Variants in SCHIP1 observed in about 807,000 individuals in gnomAD.
SCHIP1 encodes schwannomin-interacting protein 1.
Under a neutral mutation model 29.7 loss-of-function variants are expected in SCHIP1, and 8 were observed. The ratio of observed to expected loss-of-function variants is 0.27; its 90% CI spans 0.16 to 0.49. The LOEUF is 0.49. SCHIP1 is among the 20% of genes least tolerant of loss of function. The probability of loss-of-function intolerance (pLI) is 0.99; values close to 1 mark genes in which losing one functional copy is unlikely to be tolerated. For missense variants in SCHIP1, 193 were observed against 294.6 expected (o/e 0.66, Z 2.52); for synonymous variants, 76 against 94.9 (o/e 0.80, Z 1.16).
Position 159,888,944 on chromosome 3 carries a change from G to A in SCHIP1, c.589+1G>A. ...AATGATCTCCATTCCCAGATAGAAA[G>A]TAAGTGTAAGATATGCTTGAAAATA... On this transcript the variant is annotated splice_donor_variant, in intron 5 of 6. Transcript: ENST00000445224. LOFTEE classifies it high-confidence loss of function. 6.2e-7 allele frequency: 1 copy of A among 1,613,702 alleles called. No individual in the cohort carries two copies. The highest frequency in any genetic ancestry group is 8.5e-7 in the Non-Finnish European group (1 of 1,179,868).
At chr3:159,522,530 T>A in the SCHIP1 span, among the ~76,000 whole-genome samples, 1 of 152,144 alleles carries the variant, frequency 6.6e-6, no homozygotes, top group African/African-American at 2.4e-5. Context: ...TAGCAATAGA[T>A]TAGATGAATA....
At chr3:159,894,308 C>G (rs1171958867) in intron 6 of SCHIP1, 2 of 152,186 alleles carry the variant, frequency 1.3e-5, no homozygotes, top group Admixed American at 1.3e-4. Context: ...CATTCATTCT[C>G]CCCTTATATG....
At chr3:159,798,918 G>A in the SCHIP1 span, among the ~76,000 whole-genome samples, 1 of 152,180 alleles carries the variant, frequency 6.6e-6, no homozygotes, top group Non-Finnish European at 1.5e-5. Flanking sequence ...AAAACAAAGT[G>A]AATTTAAAAT....
the SCHIP1 span, among the ~76,000 whole-genome samples, chr3:159,307,753 G>A: frequency 6.6e-6 from 1 of 152,130 alleles, no homozygotes; most frequent in Non-Finnish European, 1.5e-5. Context: ...TTTTGTATAT[G>A]GTGGAAGGTA....
chr3:159,886,534 T>A, intron 3 of SCHIP1: 1 of 461,490 alleles, frequency 2.2e-6, no homozygotes, highest in Non-Finnish European at 3.9e-6. Context: ...AGTTAATAAC[T>A]ATTTTCATAT....
At chr3:159,426,738 A>C in the SCHIP1 span, among the ~76,000 whole-genome samples, 3 of 152,124 alleles carry the variant, frequency 2.0e-5, no homozygotes, top group Non-Finnish European at 4.4e-5. Flanking sequence ...CCAAAAAAGA[A>C]AATTTTAGAC....
chr3:159,629,826 C>A, the SCHIP1 span, among the ~76,000 whole-genome samples: 1 of 152,206 alleles, frequency 6.6e-6, no homozygotes, highest in African/African-American at 2.4e-5. Context: ...GAATCCTTGA[C>A]AGGCACTGAG....
the SCHIP1 span, among the ~76,000 whole-genome samples, chr3:159,394,526 G>T: frequency 1.3e-5 from 2 of 152,094 alleles, no homozygotes; most frequent in African/African-American, 4.8e-5. Flanking sequence ...TAGCATGAAG[G>T]GTTGTTGAAT....
the SCHIP1 span, among the ~76,000 whole-genome samples, chr3:159,535,226 T>A: frequency 6.6e-6 from 1 of 152,210 alleles, no homozygotes; most frequent in African/African-American, 2.4e-5. Context: ...GCATACATTA[T>A]GATATCCAAT....
At chr3:159,786,666 CGTGTGTGT>C in the SCHIP1 span, among the ~76,000 whole-genome samples, 41 of 124,892 alleles carry the variant, frequency 3.3e-4, no homozygotes, top group South Asian at 8.6e-3. Context: ...TGAGTCAAAG[CGTGTGTGT>C]GTGTGTGTGT....
At chr3:159,274,384 A>T in the SCHIP1 span, 5 of 972,698 alleles carry the variant, frequency 5.1e-6, no homozygotes, top group Admixed American at 3.1e-4. Flanking sequence ...ATATTTGATG[A>T]CTTAAAAAAT....
At chr3:159,890,997 AG>A (rs776340231) in intron 5 of SCHIP1, among the ~76,000 whole-genome samples, 2 of 152,152 alleles carry the variant, frequency 1.3e-5, no homozygotes, top group Non-Finnish European at 2.9e-5. Context: ...TGAGGGAAAA[AG>A]CAAGAGAGAG....
chr3:159,803,643 G>T, the SCHIP1 span, among the ~76,000 whole-genome samples: 1 of 152,162 alleles, frequency 6.6e-6, no homozygotes, highest in Non-Finnish European at 1.5e-5. Flanking sequence ...CTCTAACGTA[G>T]ATACAGACCC....
At position 159,841,881 on chromosome 3, in the gene SCHIP1, T is replaced by C. The variant is rs543197500; in HGVS notation, c.30+1667T>C. Reference sequence around the variant, plus strand: ...ATGGTCAATAGATTTTGCATCTGCATGGGATTTTATAGTAGAACTACCTAC... The same window carrying C: ...ATGGTCAATAGATTTTGCATCTGCACGGGATTTTATAGTAGAACTACCTAC... On this transcript the variant is annotated intron_variant, in intron 1 of 6. Coordinates refer to ENST00000445224, the Ensembl canonical transcript of SCHIP1. Among the ~76,000 whole-genome samples the C allele has an allele frequency of 3.3e-5, 5 of 152,240 alleles. No individual in the cohort carries two copies. In the South Asian group the frequency reaches 1.0e-3, roughly 31 times the overall value.
chr3:159,473,052 CTGTTT>C, the SCHIP1 span, among the ~76,000 whole-genome samples: 1 of 152,098 alleles, frequency 6.6e-6, no homozygotes. Context: ...GGATGTGTTT[CTGTTT>C]TGTCAATGAA....
chr3:159,439,580 C>G, the SCHIP1 span, among the ~76,000 whole-genome samples: 2 of 152,098 alleles, frequency 1.3e-5, no homozygotes, highest in Non-Finnish European at 2.9e-5. Context: ...GGACACAAAG[C>G]CTAACCATAT....
chr3:159,633,159 GAC>G, the SCHIP1 span, among the ~76,000 whole-genome samples: 1 of 152,202 alleles, frequency 6.6e-6, no homozygotes, highest in East Asian at 1.9e-4. Flanking sequence ...TAAGGGTTGG[GAC>G]ACAGATTTTT....
the SCHIP1 span, among the ~76,000 whole-genome samples, chr3:159,595,049 G>A: frequency 6.6e-6 from 1 of 152,188 alleles, no homozygotes; most frequent in Non-Finnish European, 1.5e-5. Context: ...TGACAAAGCA[G>A]ATGAGATTCA....
the SCHIP1 span, among the ~76,000 whole-genome samples, chr3:159,796,476 C>T: frequency 1.3e-5 from 2 of 152,246 alleles, no homozygotes; most frequent in African/African-American, 4.8e-5. Flanking sequence ...AGTGATCATG[C>T]ACCCAGCCTT....
Sources: allele counts gnomAD v4.1 joint callset (sites outside exome capture counted in the v4.1 genomes callset), GRCh38; gene constraint gnomAD v4.1.1; transcripts MANE v1.5; gene names NCBI Gene and HGNC (gene_info 2026-07-23, HGNC 2026-07-21).